Variants in TLE5 observed in about 807,000 individuals in gnomAD.
The protein encoded by TLE5 is TLE family member 5.
In TLE5, 7 loss-of-function variants were observed where a neutral mutation model predicts 25.8. The observed-to-expected ratio is 0.27, with a 90% CI of 0.15 to 0.51. The LOEUF is 0.51. TLE5 is among the 20% of genes least tolerant of loss of function. The pLI, the probability that TLE5 is intolerant of heterozygous loss-of-function variation, is 0.97. For missense variants in TLE5, 149 were observed against 250.7 expected, an observed-to-expected ratio of 0.59 and a Z score of 2.74; for synonymous variants, 132 against 110.5, an observed-to-expected ratio of 1.20 and a Z score of -1.22.
chr19:3,062,085 G>T, intron 1 of TLE5, 89 bp downstream of exon 1: 1 of 675,456 alleles, frequency 1.5e-6, no homozygotes, highest in Non-Finnish European at 2.0e-6. Flanking sequence ...CGGGCCTGGG[G>T]GTTGGGGGGC....
At chr19:3,055,853 C>G (rs927173690) in intron 4 of TLE5, 127 bp from the exon 5 acceptor site, 2 of 1,066,140 alleles carry the variant, frequency 1.9e-6, no homozygotes, top group African/African-American at 3.2e-5. Flanking sequence ...CTAGGTCTGG[C>G]CAGGGTGGGA....
intron 1 of TLE5, among the ~76,000 whole-genome samples, 163 bp downstream of exon 1, chr19:3,062,011 G>A (rs1434624743): frequency 7.7e-6 from 1 of 130,454 alleles, no homozygotes; most frequent in Non-Finnish European, 1.7e-5. Context: ...GGGTCGCGCC[G>A]GGCTGGGAGC....
At chr19:3,054,546 ATGTT>A (rs1400578885) in intron 5 of TLE5, 2 of 387,578 alleles carry the variant, frequency 5.2e-6, no homozygotes, top group South Asian at 2.7e-5. Context: ...AAACATGTGA[ATGTT>A]TGTGCAGTAC....
chr19:3,055,964 T>A (rs2090213484), intron 4 of TLE5: 2 of 536,840 alleles, frequency 3.7e-6, no homozygotes, highest in Non-Finnish European at 6.6e-6. Flanking sequence ...AAGTGCAGGA[T>A]GAGGCCAGAC....
At position 3,053,738 on chromosome 19, in the gene TLE5, T is replaced by C; in HGVS notation, c.*81A>G. ...TTAGCCAATCCCGAGCTCCGCTGTG[T>C]CTTGTGCTAAACATTCCTTTCTCTC... On this transcript the variant is annotated 3_prime_UTR_variant, in exon 7 of 7. Coordinates refer to ENST00000327141, the MANE Select transcript of TLE5 (RefSeq NM_001130.6). The C allele has an allele frequency of 6.8e-7, 1 of 1,470,654 alleles. No individual in the cohort carries two copies. Among genetic ancestry groups the C allele is most frequent in the Admixed American group, 1.9e-5 (1 of 51,738 alleles). 91.1% of individuals were successfully genotyped at this position (1,470,654 alleles called of 1,614,324 possible).
chr19:3,062,515 C>G (rs2090281166), upstream of TLE5: 1 of 631,410 alleles, frequency 1.6e-6, no homozygotes, highest in South Asian at 6.8e-5. Flanking sequence ...TCGGCTGCTG[C>G]GGAGGCTTCG....
In TLE5 at chr19:3,060,880, A is replaced by C. The variant is rs185938535; in HGVS notation, c.125+280T>G. The C allele has an allele frequency of 1.1e-3, 274 of 241,122 alleles. 2 individuals carry two copies. The highest frequency in any genetic ancestry group is 5.7e-3 in the African/African-American group (258 of 45,060). The allele number at this position is 241,122 out of a possible 1,614,324, so 14.9% of individuals were successfully genotyped here. A position where few individuals can be genotyped will look rare whatever the true frequency, so the allele number is the denominator to read the frequency against. On this transcript the variant is annotated intron_variant, in intron 2 of 6. Coordinates refer to ENST00000327141, the MANE Select transcript of TLE5 (RefSeq NM_001130.6). ...AACTCCAATTGTTGGAAGGTCTTTT[A>C]TCCAATGGGGGACTTGGGGGTATTG...
chr19:3,056,350 C>T lies in TLE5; in HGVS notation c.196G>A (p.Glu66Lys), dbSNP rs1313524224. The change falls in exon 4 of 7, where the codon GAG becomes AAG. Residue 66 changes from glutamate to lysine, a missense_variant. Glu to Lys is a moderately conservative substitution (Grantham distance 56). Coordinates refer to ENST00000327141, the MANE Select transcript of TLE5 (RefSeq NM_001130.6). ...TCGATGTTCAAGCCGTAGGACATCT[C>T]GTAGTACTGTATGGGGGAGAGAGAG... Reference protein sequence around the residue: ...EMQRHYVMYYEMSYGLNIEMH... With the variant: ...EMQRHYVMYYKMSYGLNIEMH... 2 of 1,497,832 alleles carry T rather than the reference C, an allele frequency of 1.3e-6. No individual in the cohort carries two copies. Among genetic ancestry groups the T allele is most frequent in the Non-Finnish European group, 1.8e-6 (2 of 1,121,640 alleles). 92.8% of individuals were successfully genotyped at this position (1,497,832 alleles called of 1,614,324 possible). A position where few individuals can be genotyped will look rare whatever the true frequency, so the allele number is the denominator to read the frequency against.
rs752421914 is a variant in TLE5, at chr19:3,054,002, G to A, written c.411C>T (p.Ala137=). 31 of 1,606,008 alleles carry A rather than the reference G, an allele frequency of 1.9e-5. No individual in the cohort carries two copies. The highest frequency in any genetic ancestry group is 2.5e-6 in the Non-Finnish European group (3 of 1,177,206). ...LQAHQLSQLQ[A]LALPLTPLPV... is the part of the protein sequence containing the mutation. ...GTAGTGGGGTCAAGGGCAGGGCCAG[G>A]GCCTGCAGCTGGGACAGCTGGTGGG... The change falls in exon 7 of 7, where the codon GCC becomes GCT. Residue 137 remains alanine (A), a synonymous_variant. Coordinates refer to ENST00000327141, the MANE Select transcript of TLE5 (RefSeq NM_001130.6).
intron 5 of TLE5, chr19:3,055,313 G>A (rs2090207690): frequency 5.6e-6 from 1 of 177,158 alleles, no homozygotes; most frequent in African/African-American, 2.4e-5. Context: ...CAGCCCGCAT[G>A]GCCTGGAGGA....
chr19:3,056,753 CAGTG>C, intron 3 of TLE5: 1 of 325,374 alleles, frequency 3.1e-6, no homozygotes, highest in Non-Finnish European at 6.1e-6. Flanking sequence ...TAGGTATAAA[CAGTG>C]AGGGGTAAAC....
rs2090279051 is a variant in TLE5 at position 3,062,361 on chromosome 19, C to T, written c.-161G>A. 3 of 972,894 alleles carry T rather than the reference C, an allele frequency of 3.1e-6. No individual in the cohort carries two copies. Among genetic ancestry groups the T allele is most frequent in the South Asian group, 9.2e-5 (2 of 21,690 alleles). 60.3% of individuals were successfully genotyped at this position (972,894 alleles called of 1,614,324 possible). ...GCCTCGCCCGCTTCCTGCGCCCCCT[C>T]CCCGCGCGCCCGGCCCCGGCGCGCC... On this transcript the variant is annotated 5_prime_UTR_variant, in exon 1 of 7. Coordinates refer to ENST00000327141, the MANE Select transcript of TLE5 (RefSeq NM_001130.6).
In TLE5 at chr19:3,059,136, G is replaced by A. The variant is rs188059699; in HGVS notation, c.126-1394C>T. Among the ~76,000 whole-genome samples, 108 of 152,160 alleles carry A rather than the reference G, an allele frequency of 7.1e-4. 2 individuals carry two copies. Among genetic ancestry groups the A allele is most frequent in the Admixed American group, 2.6e-3 (40 of 15,284 alleles). On this transcript the variant is annotated intron_variant, in intron 2 of 6. Transcript: ENST00000327141. ...TTGCTCCACCGGAGAAGAGTGTGCC[G>A]GGTTAGGGATGCTTTGGCCGCCACC...
chr19:3,053,663 C>G lies in TLE5; in HGVS notation c.*156G>C. Reference sequence around the variant, plus strand: ...TAGGAAGAAAGCTAGAGGTGGCCTGCAAGCTGGGCTGGGGCCCCCGCCGGC... The same window carrying G: ...TAGGAAGAAAGCTAGAGGTGGCCTGGAAGCTGGGCTGGGGCCCCCGCCGGC... On this transcript the variant is annotated 3_prime_UTR_variant, in exon 7 of 7. Transcript: ENST00000327141. 3.9e-6 allele frequency: 3 copies of G among 767,600 alleles called. No individual in the cohort carries two copies. The South Asian group carries it at 5.5e-5, about 14-fold the overall frequency. The allele number at this position is 767,600 out of a possible 1,614,324, so 47.5% of individuals were successfully genotyped here. A position where few individuals can be genotyped will look rare whatever the true frequency, so the allele number is the denominator to read the frequency against.
rs2145256772 is a variant in TLE5 at position 3,055,836 on chromosome 19, A to G, written c.235-110T>C. The G allele has an allele frequency of 5.6e-6, 7 of 1,239,132 alleles. No individual in the cohort carries two copies. The East Asian group carries it at 1.7e-4, about 31-fold the overall frequency. 76.8% of individuals were successfully genotyped at this position (1,239,132 alleles called of 1,614,324 possible). Reference sequence around the variant, plus strand: ...CCAGCCCTGCCACTTGCGGCTTCTAAGAGGGGCTAGGTCTGGCCAGGGTGG... The same window carrying G: ...CCAGCCCTGCCACTTGCGGCTTCTAGGAGGGGCTAGGTCTGGCCAGGGTGG... On this transcript the variant is annotated intron_variant, in intron 4 of 6. Coordinates refer to ENST00000327141, the MANE Select transcript of TLE5 (RefSeq NM_001130.6).
In TLE5 at chr19:3,058,180, T is replaced by C. The variant is rs187335952; in HGVS notation, c.126-438A>G. Among the ~76,000 whole-genome samples, 293 of 151,854 alleles carry C rather than the reference T, an allele frequency of 1.9e-3. 1 individual carries two copies. Among genetic ancestry groups the C allele is most frequent in the African/African-American group, 6.5e-3 (268 of 41,374 alleles). ...GATGAAACCACCCTTGCAGATCTGG[T>C]TGGGGGGAAATAAGCAACATTATAG... On this transcript the variant is annotated intron_variant, in intron 2 of 6. Coordinates refer to ENST00000327141, the MANE Select transcript of TLE5 (RefSeq NM_001130.6).
chr19:3,054,096 A>G, intron 6 of TLE5, 24 bp downstream of exon 6: 5 of 508,250 alleles, frequency 9.8e-6, no homozygotes, highest in Non-Finnish European at 1.2e-5. Flanking sequence ...TCCCCCGCCC[A>G]CCCGCCCAGG....
At chr19:3,055,442 G>A (rs551394255) in intron 5 of TLE5, 81 of 386,238 alleles carry the variant, frequency 2.1e-4, no homozygotes, top group African/African-American at 1.4e-3. Flanking sequence ...GAATTCCAGA[G>A]CAGGGTGAGG....
Position 3,053,537 on chromosome 19 carries a change from G to A in TLE5, c.*282C>T, listed in dbSNP as rs2090191384. On this transcript the variant is annotated 3_prime_UTR_variant, in exon 7 of 7. Transcript: ENST00000327141. The stretch of plus-strand genomic sequence containing the variant: ...CGAGGTCTTGCTCCCTTGGGACCTG[G>A]TCTCCCATCTGACCCTCCAGGCCTT... The A allele has an allele frequency of 1.9e-6, 1 of 523,612 alleles. No individual in the cohort carries two copies. Among genetic ancestry groups the A allele is most frequent in the Admixed American group, 3.4e-5 (1 of 29,806 alleles). 32.4% of individuals were successfully genotyped at this position (523,612 alleles called of 1,614,324 possible).
Sources: allele counts gnomAD v4.1 joint callset (sites outside exome capture counted in the v4.1 genomes callset), GRCh38; gene constraint gnomAD v4.1.1; transcripts MANE v1.5; gene names NCBI Gene and HGNC (gene_info 2026-07-23, HGNC 2026-07-21).